SLC28A3: variants seen among roughly 807,000 people sequenced by gnomAD.
SLC28A3 encodes solute carrier family 28 member 3.
SLC28A3 carries 68 observed loss-of-function variants against 84.2 expected under a neutral mutation model. The observed-to-expected ratio is 0.81, with a 90% CI of 0.66 to 0.99. The LOEUF is 0.99. SLC28A3 is among the 50% of genes least tolerant of loss of function. The probability of loss-of-function intolerance (pLI) is 0.00; values close to 1 mark genes in which losing one functional copy is unlikely to be tolerated. For synonymous variants in SLC28A3, 267 were observed against 303.6 expected (o/e 0.88, Z 1.25); for missense variants, 712 against 841.5 (o/e 0.85, Z 1.90).
chr9:84,285,254 G>A, intron 14 of SLC28A3, 91 bp downstream of exon 14: 2 of 1,293,160 alleles, frequency 1.5e-6, no homozygotes, highest in Non-Finnish European at 2.2e-6. Flanking sequence ...CCAGGTGCCT[G>A]GCATAGTGCT....
chr9:84,277,648 A>AAG lies in SLC28A3; in HGVS notation c.*569_*570insCT. 6.6e-6 allele frequency: 1 copy of AAG among 152,452 alleles called. No individual in the cohort carries two copies. The highest frequency in any genetic ancestry group is 1.9e-4 in the East Asian group (1 of 5,190). The allele number at this position is 152,452 out of a possible 1,614,324, so 9.4% of individuals were successfully genotyped here. On this transcript the variant is annotated 3_prime_UTR_variant, in exon 18 of 18. Transcript: ENST00000376238. ...AGAACTCTTAAGCAGAATGGATTTAAACCCTGGTTTTGGTATGATCCACGT... is the reference window on the plus strand; with the variant it reads ...AGAACTCTTAAGCAGAATGGATTTAAAGACCCTGGTTTTGGTATGATCCACGT...
At chr9:84,328,393 T>C (rs1041057005) in intron 1 of SLC28A3, among the ~76,000 whole-genome samples, 2 of 151,440 alleles carry the variant, frequency 1.3e-5, no homozygotes, top group African/African-American at 2.4e-5. Flanking sequence ...TCCCAGCACT[T>C]TGGGAGACCA....
upstream of SLC28A3, among the ~76,000 whole-genome samples, chr9:84,344,065 A>C (rs998846832): frequency 6.6e-6 from 1 of 152,088 alleles, no homozygotes; most frequent in Non-Finnish European, 1.5e-5. Flanking sequence ...TTCTTCCTTC[A>C]TAAAACGGAG....
At chr9:84,348,875 C>T in the SLC28A3 span, among the ~76,000 whole-genome samples, 6,129 of 152,210 alleles carry the variant, frequency 0.04, 190 homozygotes, top group South Asian at 0.084. Flanking sequence ...TCTTGGACTT[C>T]CCAGTCTCCA....
chr9:84,311,679 G>A (rs1375889409), intron 2 of SLC28A3, among the ~76,000 whole-genome samples: 2 of 143,182 alleles, frequency 1.4e-5, no homozygotes, highest in African/African-American at 5.6e-5. Context: ...GTGAAACCCC[G>A]TCTCTACTAA....
chr9:84,311,346 A>C (rs1033302445), intron 2 of SLC28A3, among the ~76,000 whole-genome samples: 1 of 152,164 alleles, frequency 6.6e-6, no homozygotes, highest in Non-Finnish European at 1.5e-5. Context: ...GAGATTTTTC[A>C]TGTATTGTCT....
chr9:84,304,705 TGAG>T (rs1174699550), intron 4 of SLC28A3, among the ~76,000 whole-genome samples: 3 of 152,020 alleles, frequency 2.0e-5, no homozygotes, highest in African/African-American at 7.2e-5. Flanking sequence ...GCTATAAGAA[TGAG>T]GAGAGTAAGT....
chr9:84,355,050 G>A, the SLC28A3 span, among the ~76,000 whole-genome samples: 2 of 152,214 alleles, frequency 1.3e-5, no homozygotes, highest in Admixed American at 6.5e-5. Context: ...TGAAAAGCAT[G>A]ATTTTGTGAT....
intron 1 of SLC28A3, among the ~76,000 whole-genome samples, chr9:84,313,868 G>GAAAAAAAAA (rs754131148): frequency 8.0e-6 from 1 of 125,574 alleles, no homozygotes; most frequent in African/African-American, 3.0e-5. Flanking sequence ...GACTCTACCT[G>GAAAAAAAAA]AAAAAAAAAA....
intron 1 of SLC28A3, among the ~76,000 whole-genome samples, chr9:84,334,915 C>A (rs969559335): frequency 6.6e-6 from 1 of 152,082 alleles, no homozygotes; most frequent in Non-Finnish European, 1.5e-5. Flanking sequence ...TTCTACTTTC[C>A]CTTGACTTCT....
the SLC28A3 span, among the ~76,000 whole-genome samples, chr9:84,350,961 C>T: frequency 6.6e-6 from 1 of 152,186 alleles, no homozygotes; most frequent in Non-Finnish European, 1.5e-5. Flanking sequence ...CCCACCTCAG[C>T]CTCCCAAAGT....
chr9:84,334,124 G>A (rs1294397233), intron 1 of SLC28A3, among the ~76,000 whole-genome samples: 2 of 152,282 alleles, frequency 1.3e-5, no homozygotes, highest in South Asian at 4.1e-4. Context: ...GGCCAACAGG[G>A]TGAAACCCCG....
chr9:84,365,210 A>T, the SLC28A3 span, among the ~76,000 whole-genome samples: 1 of 152,166 alleles, frequency 6.6e-6, no homozygotes, highest in Non-Finnish European at 1.5e-5. Flanking sequence ...GATATATCCC[A>T]TTATAACTGG....
rs780243373 is a variant in SLC28A3, at chr9:84,313,601, C to T, written c.61-147G>A. ...AGCATCCGATTCAACAAACAGCTGA[C>T]AAATCCTGGGCTTGTAAAGAAACAG... On this transcript the variant is annotated intron_variant, in intron 1 of 17. Transcript: ENST00000376238. The T allele has an allele frequency of 2.2e-5, 14 of 641,516 alleles. No individual in the cohort carries two copies. In the Admixed American group the frequency reaches 2.7e-4, roughly 12 times the overall value. The allele number at this position is 641,516 out of a possible 1,614,324, so 39.7% of individuals were successfully genotyped here. A position where few individuals can be genotyped will look rare whatever the true frequency, so the allele number is the denominator to read the frequency against.
intron 2 of SLC28A3, among the ~76,000 whole-genome samples, chr9:84,312,130 A>T (rs1826009352): frequency 6.6e-6 from 1 of 152,224 alleles, no homozygotes; most frequent in South Asian, 2.1e-4. Context: ...TCACCTACTG[A>T]AGGACATTTT....
Position 84,301,853 on chromosome 9 carries a change from A to G in SLC28A3, c.524+347T>C, listed in dbSNP as rs534092053. ...TATGACAAAACTTTCACTCTATCCTATATTTCTAACTACTTCCTAATACGT... is the reference window on the plus strand; with the variant it reads ...TATGACAAAACTTTCACTCTATCCTGTATTTCTAACTACTTCCTAATACGT... On this transcript the variant is annotated intron_variant, in intron 5 of 17. Coordinates refer to ENST00000376238, the MANE Select transcript of SLC28A3 (RefSeq NM_001199633.2). Among the ~76,000 whole-genome samples, 27 of 152,314 alleles carry G rather than the reference A, an allele frequency of 1.8e-4. No homozygotes were observed. The South Asian group carries it at 5.2e-3, about 29-fold the overall frequency.
intron 1 of SLC28A3, among the ~76,000 whole-genome samples, chr9:84,333,564 G>A (rs552294596): frequency 6.6e-6 from 1 of 152,208 alleles, no homozygotes; most frequent in African/African-American, 2.4e-5. Flanking sequence ...TAAAAAGTTG[G>A]CATCTAACAA....
chr9:84,310,198 G>A (rs1244157147), intron 2 of SLC28A3, among the ~76,000 whole-genome samples: 1 of 152,184 alleles, frequency 6.6e-6, no homozygotes, highest in Non-Finnish European at 1.5e-5. Flanking sequence ...GCACCTTCAA[G>A]AGCCAATAAG....
At chr9:84,348,947 G>A in the SLC28A3 span, among the ~76,000 whole-genome samples, 66 of 142,542 alleles carry the variant, frequency 4.6e-4, no homozygotes, top group Admixed American at 4.5e-3. Flanking sequence ...TCACTCTTTT[G>A]CCCAGGCTGG....
Sources: gnomAD v4.1 joint callset for allele counts (sites outside exome capture counted in the v4.1 genomes callset) on GRCh38, gnomAD v4.1.1 for gene constraint, MANE v1.5 for transcripts, NCBI Gene and HGNC (gene_info 2026-07-23, HGNC 2026-07-21) for gene names.